Variants in EPHA6 observed in about 807,000 individuals in gnomAD.
EPHA6 encodes the protein ephrin type-A receptor 6.
EPHA6 carries 50 observed loss-of-function variants against 112.0 expected under a neutral mutation model. The observed-to-expected ratio is 0.45, with a 90% CI of 0.36 to 0.56. The LOEUF is 0.56. Among genes scored for constraint, EPHA6 ranks in the 20% least tolerant of loss-of-function variants. The pLI, the probability that EPHA6 is intolerant of heterozygous loss-of-function variation, is 0.00. For missense variants in EPHA6, 1,280 were observed against 1,417.4 expected, an observed-to-expected ratio of 0.90 and a Z score of 1.56; for synonymous variants, 529 against 490.7, an observed-to-expected ratio of 1.08 and a Z score of -1.03.
chr3:97,318,357 AT>A (rs760566288), intron 5 of EPHA6, among the ~76,000 whole-genome samples: 2 of 151,974 alleles, frequency 1.3e-5, no homozygotes, highest in Non-Finnish European at 2.9e-5. Flanking sequence ...ATCCAGCTAA[AT>A]ATTCTCCTAA....
chr3:97,418,811 T>A (rs2088353321), intron 6 of EPHA6, among the ~76,000 whole-genome samples: 1 of 151,918 alleles, frequency 6.6e-6, no homozygotes, highest in Non-Finnish European at 1.5e-5. Context: ...AAGAAATAAA[T>A]ACAAGATAAA....
At chr3:97,692,921 G>A (rs1458602530) in intron 14 of EPHA6, among the ~76,000 whole-genome samples, 1 of 152,104 alleles carries the variant, frequency 6.6e-6, no homozygotes, top group Non-Finnish European at 1.5e-5. Flanking sequence ...ATTAAGGAGA[G>A]CATTATGAGC....
intron 14 of EPHA6, among the ~76,000 whole-genome samples, chr3:97,719,088 A>C (rs1048293386): frequency 0.14 from 10,067 of 72,480 alleles, 17 homozygotes; most frequent in Admixed American, 0.15. Context: ...CGCCCCCCCC[A>C]CCCCCCCCCC....
intron 14 of EPHA6, among the ~76,000 whole-genome samples, chr3:97,706,330 TAACA>T (rs1188975515): frequency 6.6e-6 from 1 of 152,126 alleles, no homozygotes; most frequent in Non-Finnish European, 1.5e-5. Flanking sequence ...CAAAGGACAA[TAACA>T]AACAAAAAAG....
At chr3:97,148,006 A>G (rs922733630) in intron 3 of EPHA6, among the ~76,000 whole-genome samples, 5 of 152,142 alleles carry the variant, frequency 3.3e-5, no homozygotes, top group African/African-American at 1.2e-4. Flanking sequence ...AAGAACTCTA[A>G]TCTTTGCATA....
intron 3 of EPHA6, among the ~76,000 whole-genome samples, chr3:97,084,548 A>T (rs140514368): frequency 6.6e-6 from 1 of 152,196 alleles, no homozygotes; most frequent in East Asian, 1.9e-4. Flanking sequence ...AGTACCAATC[A>T]TTGTTTCAGG....
intron 1 of EPHA6, among the ~76,000 whole-genome samples, chr3:96,847,363 T>G (rs979187469): frequency 6.6e-6 from 1 of 150,890 alleles, no homozygotes. Context: ...TTTTGGATAT[T>G]TATCAAAACA....
intron 3 of EPHA6, among the ~76,000 whole-genome samples, chr3:97,209,898 G>C (rs1246052125): frequency 6.6e-6 from 1 of 152,120 alleles, no homozygotes; most frequent in Non-Finnish European, 1.5e-5. Flanking sequence ...TTCAATTCTA[G>C]GTTGAAAGAC....
At chr3:97,221,977 G>A (rs748728410) in intron 3 of EPHA6, among the ~76,000 whole-genome samples, 3 of 150,362 alleles carry the variant, frequency 2.0e-5, no homozygotes, top group African/African-American at 7.4e-5. Context: ...TCAGTGAGCC[G>A]AGATCGCACC....
At chr3:97,192,835 T>C (rs1284697197) in intron 3 of EPHA6, among the ~76,000 whole-genome samples, 3 of 152,206 alleles carry the variant, frequency 2.0e-5, no homozygotes, top group African/African-American at 7.2e-5. Context: ...TTCATTCTTC[T>C]GTATATGGAT....
intron 3 of EPHA6, among the ~76,000 whole-genome samples, chr3:97,025,837 C>T (rs1033121727): frequency 2.0e-5 from 3 of 152,104 alleles, no homozygotes; most frequent in Non-Finnish European, 2.9e-5. Context: ...ATCTGCCCTC[C>T]TCAGCCTCCC....
At chr3:96,874,131 C>T (rs1050232278) in intron 2 of EPHA6, among the ~76,000 whole-genome samples, 2 of 152,052 alleles carry the variant, frequency 1.3e-5, no homozygotes, top group African/African-American at 4.8e-5. Flanking sequence ...GGTGAAAGGA[C>T]TCTCTTAAGG....
intron 5 of EPHA6, among the ~76,000 whole-genome samples, chr3:97,346,026 C>T (rs370774852): frequency 1.6e-4 from 24 of 152,060 alleles, no homozygotes; most frequent in African/African-American, 5.6e-4. Context: ...GCAAATGCTA[C>T]ACCTCCTCTC....
At chr3:97,060,781 G>A (rs1004414662) in intron 3 of EPHA6, among the ~76,000 whole-genome samples, 18 of 151,456 alleles carry the variant, frequency 1.2e-4, no homozygotes, top group Admixed American at 5.3e-4. Context: ...ATAATTAGCC[G>A]GGCGTAGTGG....
chr3:97,516,410 T>A (rs905277047), intron 10 of EPHA6, among the ~76,000 whole-genome samples: 52 of 152,296 alleles, frequency 3.4e-4, no homozygotes, highest in African/African-American at 1.2e-3. Flanking sequence ...TCAATTCAGC[T>A]GATGTTTGAA....
At chr3:97,037,796 G>A (rs74694522) in intron 3 of EPHA6, among the ~76,000 whole-genome samples, 1 of 152,030 alleles carries the variant, frequency 6.6e-6, no homozygotes, top group South Asian at 2.1e-4. Context: ...GCTAATATTT[G>A]CAGATGATTC....
chr3:97,444,516 C>T (rs973434163), intron 6 of EPHA6, among the ~76,000 whole-genome samples: 3 of 152,058 alleles, frequency 2.0e-5, no homozygotes, highest in African/African-American at 7.2e-5. Context: ...GTTCTAGAAC[C>T]TTATACATAC....
At chr3:96,909,254 C>A (rs934355938) in intron 2 of EPHA6, among the ~76,000 whole-genome samples, 8 of 150,718 alleles carry the variant, frequency 5.3e-5, no homozygotes, top group Non-Finnish European at 1.5e-5. Context: ...TTTGGGCATA[C>A]CTCTTAGATA....
At chr3:97,215,874 T>C (rs2108522949) in intron 3 of EPHA6, among the ~76,000 whole-genome samples, 1 of 152,324 alleles carries the variant, frequency 6.6e-6, no homozygotes, top group South Asian at 2.1e-4. Context: ...TGATCTGAAA[T>C]TTAGGAAGGT....
Sources: allele counts gnomAD v4.1 joint callset (sites outside exome capture counted in the v4.1 genomes callset), GRCh38; gene constraint gnomAD v4.1.1; transcripts MANE v1.5; gene names NCBI Gene and HGNC (gene_info 2026-07-23, HGNC 2026-07-21).